Variants in CCDC18 observed in about 807,000 individuals in gnomAD.
CCDC18 encodes the protein coiled-coil domain containing 18.
CCDC18 carries 157 observed loss-of-function variants against 196.0 expected under a neutral mutation model. The observed-to-expected ratio is 0.80, with a 90% CI of 0.70 to 0.91. The LOEUF is 0.91. Ranked by LOEUF, CCDC18 falls within the 40% of genes least tolerant of loss-of-function variation. CCDC18 has a pLI of 0.00. For synonymous variants in CCDC18, 482 were observed against 529.2 expected (o/e 0.91, Z 1.22); for missense variants, 1,465 against 1,611.6 (o/e 0.91, Z 1.56).
At chr1:93,199,088 C>A (rs908883701) in intron 6 of CCDC18, among the ~76,000 whole-genome samples, 2 of 152,178 alleles carry the variant, frequency 1.3e-5, no homozygotes, top group African/African-American at 4.8e-5. Flanking sequence ...GTTTTGGGAT[C>A]CTTGGGGTGT....
At chr1:93,234,046 T>C (rs1196852941) in intron 18 of CCDC18, among the ~76,000 whole-genome samples, 2 of 152,254 alleles carry the variant, frequency 1.3e-5, no homozygotes, top group Non-Finnish European at 2.9e-5. Flanking sequence ...ACATCCTTTG[T>C]CATTGACTCT....
At chr1:93,268,233 G>T (rs780114173) in intron 27 of CCDC18, among the ~76,000 whole-genome samples, 1 of 152,130 alleles carries the variant, frequency 6.6e-6, no homozygotes, top group African/African-American at 2.4e-5. Flanking sequence ...ATGTAGAAAG[G>T]TGAAACTGGA....
chr1:93,183,092 CAGGTAT>C (rs1650006096), intron 1 of CCDC18, among the ~76,000 whole-genome samples: 1 of 152,086 alleles, frequency 6.6e-6, no homozygotes, highest in Non-Finnish European at 1.5e-5. Flanking sequence ...TTAGGAAGAT[CAGGTAT>C]GCTTACAAAA....
chr1:93,231,120 AG>A (rs537085764), intron 17 of CCDC18, among the ~76,000 whole-genome samples: 1 of 152,210 alleles, frequency 6.6e-6, no homozygotes, highest in Non-Finnish European at 1.5e-5. Context: ...TTGGCCCTGA[AG>A]GCCTTAATGT....
chr1:93,226,912 AG>A (rs1376704574), intron 17 of CCDC18, among the ~76,000 whole-genome samples: 2 of 152,160 alleles, frequency 1.3e-5, no homozygotes, highest in African/African-American at 4.8e-5. Context: ...TTCTTTAAAG[AG>A]CAAACATTTC....
At chr1:93,272,409 A>G (rs1317352139) in intron 28 of CCDC18, among the ~76,000 whole-genome samples, 1 of 152,238 alleles carries the variant, frequency 6.6e-6, no homozygotes, top group African/African-American at 2.4e-5. Flanking sequence ...GTGCTGGCCA[A>G]AATTTCACTT....
At chr1:93,186,600 G>C (rs1650715745) in intron 4 of CCDC18, 97 bp downstream of exon 4, 1 of 907,648 alleles carries the variant, frequency 1.1e-6, no homozygotes, top group African/African-American at 1.7e-5. Context: ...TTGCCTTAAT[G>C]TGTTATGGGA....
intron 27 of CCDC18, among the ~76,000 whole-genome samples, chr1:93,268,409 G>T (rs1664806345): frequency 6.6e-6 from 1 of 152,108 alleles, no homozygotes. Context: ...AAAAGAAATG[G>T]CAACAAAAAC....
chr1:93,179,934 T>C, upstream of CCDC18: 1 of 1,142,080 alleles, frequency 8.8e-7, no homozygotes, highest in Non-Finnish European at 1.2e-6. Context: ...GCTGGCTTCC[T>C]GAACGGCCCT....
At chr1:93,266,563 G>A (rs1664545609) in intron 27 of CCDC18, among the ~76,000 whole-genome samples, 1 of 151,940 alleles carries the variant, frequency 6.6e-6, no homozygotes, top group Non-Finnish European at 1.5e-5. Context: ...TAATAAAGAA[G>A]AAAAGAGAGA....
intron 22 of CCDC18, 70 bp downstream of exon 22, chr1:93,246,274 C>T (rs1661484586): frequency 2.7e-6 from 3 of 1,098,714 alleles, no homozygotes; most frequent in Admixed American, 5.2e-5. Context: ...TTTGAGAGGT[C>T]ACCAATTTTT....
Position 93,234,990 on chromosome 1 carries a change from CTTTTTTTTTT to C in CCDC18, c.2461-1253_2461-1244del, listed in dbSNP as rs1222470671. The stretch of plus-strand genomic sequence containing the variant: ...GTGTGTGTGGCTTTTCTTTTTTTTT[CTTTTTTTTTT>C]TTTTGGTAGAGACAGAGTTTCACCA... On this transcript the variant is annotated intron_variant, in intron 18 of 28. Transcript: ENST00000690025. Among the ~76,000 whole-genome samples, 28 of 70,804 alleles carry C rather than the reference CTTTTTTTTTT, an allele frequency of 4.0e-4. No individual in the cohort carries two copies. In the East Asian group the frequency reaches 0.013, roughly 32 times the overall value. 46.5% of individuals were successfully genotyped at this position (70,804 alleles called of 152,430 possible). A position where few individuals can be genotyped will look rare whatever the true frequency, so the allele number is the denominator to read the frequency against.
intron 3 of CCDC18, among the ~76,000 whole-genome samples, chr1:93,184,913 G>T (rs1650363997): frequency 6.6e-6 from 1 of 151,822 alleles, no homozygotes. Context: ...TAAGAAATTT[G>T]ATCTCTATCC....
chr1:93,262,910 G>A (rs2101260786), intron 26 of CCDC18, among the ~76,000 whole-genome samples: 1 of 152,202 alleles, frequency 6.6e-6, no homozygotes, highest in Middle Eastern at 3.4e-3. Context: ...CTGAAATCTA[G>A]GCAGAGCCTC....
intron 5 of CCDC18, among the ~76,000 whole-genome samples, chr1:93,192,968 A>T (rs1281628413): frequency 6.6e-6 from 1 of 152,150 alleles, no homozygotes; most frequent in Non-Finnish European, 1.5e-5. Flanking sequence ...TGCACACTGA[A>T]GTTGTCTTTT....
chr1:93,186,728 CTTAAGGT>C (rs1361157291), intron 4 of CCDC18, among the ~76,000 whole-genome samples: 1 of 151,920 alleles, frequency 6.6e-6, no homozygotes, highest in Non-Finnish European at 1.5e-5. Context: ...AAGTCAGCTT[CTTAAGGT>C]GTTAAGATTA....
At chr1:93,204,317 A>T (rs1174404739) in intron 7 of CCDC18, among the ~76,000 whole-genome samples, 1 of 152,146 alleles carries the variant, frequency 6.6e-6, no homozygotes, top group Non-Finnish European at 1.5e-5. Flanking sequence ...GTGGAAGGAA[A>T]TTGAACGATT....
chr1:93,248,645 G>A (rs758266048), intron 23 of CCDC18, among the ~76,000 whole-genome samples: 2 of 152,028 alleles, frequency 1.3e-5, no homozygotes, highest in South Asian at 2.1e-4. Flanking sequence ...GTCCTTGTCC[G>A]GTTTTGGTAT....
At chr1:93,262,028 G>A (rs930766420) in intron 26 of CCDC18, among the ~76,000 whole-genome samples, 7 of 152,292 alleles carry the variant, frequency 4.6e-5, no homozygotes, top group African/African-American at 1.7e-4. Flanking sequence ...GAGAAAGAGT[G>A]TGTAAATGCC....
Sources: allele counts gnomAD v4.1 joint callset (sites outside exome capture counted in the v4.1 genomes callset), GRCh38; gene constraint gnomAD v4.1.1; transcripts MANE v1.5; gene names NCBI Gene and HGNC (gene_info 2026-07-23, HGNC 2026-07-21).